CTNNA3: variants seen among roughly 807,000 people sequenced by gnomAD.
The protein encoded by CTNNA3 is catenin alpha-3.
In CTNNA3, 76 loss-of-function variants were observed where a neutral mutation model predicts 95.7. That is an observed-to-expected ratio of 0.79 (90% CI 0.66 to 0.96). The LOEUF (loss-of-function observed/expected upper bound fraction) is 0.96. CTNNA3 is among the 40% of genes least tolerant of loss of function. The probability of loss-of-function intolerance (pLI) is 0.00; values close to 1 mark genes in which losing one functional copy is unlikely to be tolerated. For synonymous variants in CTNNA3, 431 were observed against 374.4 expected, an observed-to-expected ratio of 1.15 and a Z score of -1.74; for missense variants, 1,191 against 1,089.8, an observed-to-expected ratio of 1.09 and a Z score of -1.31.
chr10:66,585,272 C>T lies in CTNNA3; in HGVS notation c.1374+36420G>A, dbSNP rs557156686. Among the ~76,000 whole-genome samples, 4 of 152,136 alleles carry T rather than the reference C, an allele frequency of 2.6e-5. No individual in the cohort carries two copies. In the East Asian group the frequency reaches 7.7e-4, roughly 29 times the overall value. ...AGTTTTCCTCCCTGGAAATTTTCCTCAAATAGACTTTTGAAATTTTTGCTA... is the reference window on the plus strand; with the variant it reads ...AGTTTTCCTCCCTGGAAATTTTCCTTAAATAGACTTTTGAAATTTTTGCTA... On this transcript the variant is annotated intron_variant, in intron 10 of 17. Transcript: ENST00000433211.
chr10:66,783,098 T>G (rs1242691435), intron 7 of CTNNA3, among the ~76,000 whole-genome samples: 1 of 152,170 alleles, frequency 6.6e-6, no homozygotes, highest in Non-Finnish European at 1.5e-5. Context: ...AAATAACTAA[T>G]TAAGTACTGA....
chr10:67,756,899 T>A (rs1841436619), intron 1 of CTNNA3, among the ~76,000 whole-genome samples: 1 of 152,124 alleles, frequency 6.6e-6, no homozygotes, highest in African/African-American at 2.4e-5. Flanking sequence ...TGTAAAAAAA[T>A]ATATATAAGT....
At chr10:65,991,152 A>G (rs930057845) in intron 15 of CTNNA3, among the ~76,000 whole-genome samples, 1 of 152,054 alleles carries the variant, frequency 6.6e-6, no homozygotes, top group Non-Finnish European at 1.5e-5. Context: ...TGGTTACTAC[A>G]GCCTTATAAT....
intron 5 of CTNNA3, among the ~76,000 whole-genome samples, chr10:67,250,137 C>T (rs2132355207): frequency 6.6e-6 from 1 of 152,192 alleles, no homozygotes; most frequent in South Asian, 2.1e-4. Flanking sequence ...TGCACAGGTC[C>T]ACTTACACAG....
chr10:67,379,107 G>A (rs1843813531), intron 5 of CTNNA3, among the ~76,000 whole-genome samples: 1 of 152,140 alleles, frequency 6.6e-6, no homozygotes, highest in Non-Finnish European at 1.5e-5. Flanking sequence ...GACCTTTTGT[G>A]GAAAATACTA....
At chr10:66,257,806 T>C (rs962317384) in intron 13 of CTNNA3, among the ~76,000 whole-genome samples, 1 of 152,222 alleles carries the variant, frequency 6.6e-6, no homozygotes, top group African/African-American at 2.4e-5. Context: ...TCCTATCAGC[T>C]AGCACAAACC....
intron 11 of CTNNA3, among the ~76,000 whole-genome samples, chr10:66,420,161 A>G (rs546624787): frequency 3.3e-5 from 5 of 152,330 alleles, no homozygotes; most frequent in Admixed American, 6.5e-5. Flanking sequence ...AGAGTATATA[A>G]GATACTCAAA....
rs543612705 is a variant in CTNNA3, at chr10:66,266,594, G to A, written c.1884+13876C>T. ...TTATACCTTGGAACAGACTCAATGA[G>A]TCCCTGAAACTGGTGAGACAGCACT... On this transcript the variant is annotated intron_variant, in intron 13 of 17. Transcript: ENST00000433211. 8.9e-4 allele frequency among the ~76,000 whole-genome samples: 135 copies of A among 151,984 alleles called. 1 individual carries two copies. Among genetic ancestry groups the A allele is most frequent in the Admixed American group, 2.0e-4 (3 of 15,242 alleles).
chr10:66,721,413 T>C (rs1429618346), intron 9 of CTNNA3, among the ~76,000 whole-genome samples: 1 of 152,196 alleles, frequency 6.6e-6, no homozygotes, highest in Admixed American at 6.5e-5. Context: ...AGTATAGTAG[T>C]GCATATGTAT....
Position 66,386,918 on chromosome 10 carries a change from T to C in CTNNA3, c.1532-7566A>G, listed in dbSNP as rs189767287. Among the ~76,000 whole-genome samples the C allele has an allele frequency of 5.3e-3, 812 of 152,300 alleles. 4 individuals are homozygous for C. The highest frequency in any genetic ancestry group is 0.019 in the African/African-American group (784 of 41,552). On this transcript the variant is annotated intron_variant, in intron 11 of 17. Transcript: ENST00000433211. ...ATGTAGAAAGCTAACACTGGATCCC[T>C]TCCTTACACCTTGTACAAAAATTAA...
intron 9 of CTNNA3, among the ~76,000 whole-genome samples, chr10:66,711,868 A>G: frequency 6.6e-6 from 1 of 151,808 alleles, no homozygotes; most frequent in East Asian, 1.9e-4. Context: ...CTATACCCAA[A>G]CCTTACTTTC....
chr10:66,756,698 T>C (rs1391029896), intron 9 of CTNNA3, among the ~76,000 whole-genome samples: 1 of 152,034 alleles, frequency 6.6e-6, no homozygotes, highest in Non-Finnish European at 1.5e-5. Context: ...TCAATTCACC[T>C]CCTAATTCAA....
chr10:66,140,446 T>C (rs2083556185), intron 13 of CTNNA3, among the ~76,000 whole-genome samples: 1 of 152,180 alleles, frequency 6.6e-6, no homozygotes, highest in Non-Finnish European at 1.5e-5. Context: ...TTTAGTCTCC[T>C]GACATTTTAT....
intron 2 of CTNNA3, among the ~76,000 whole-genome samples, chr10:67,641,732 T>C (rs1839539446): frequency 6.6e-6 from 1 of 152,086 alleles, no homozygotes; most frequent in Non-Finnish European, 1.5e-5. Flanking sequence ...CTGGAAACCA[T>C]CATTCTCAGC....
At chr10:66,050,861 T>C (rs1812097529) in intron 15 of CTNNA3, among the ~76,000 whole-genome samples, 2 of 151,266 alleles carry the variant, frequency 1.3e-5, no homozygotes. Flanking sequence ...TTTCTTACTT[T>C]TTTTTTTTAA....
chr10:66,237,496 G>GT (rs397845253), intron 13 of CTNNA3, among the ~76,000 whole-genome samples: 1 of 6,396 alleles, frequency 1.6e-4, no homozygotes, highest in East Asian at 2.7e-3. Context: ...GCAATTTGAA[G>GT]CATGATTGGC....
intron 5 of CTNNA3, among the ~76,000 whole-genome samples, chr10:67,435,577 T>A (rs1846274882): frequency 6.6e-6 from 1 of 151,942 alleles, no homozygotes; most frequent in Non-Finnish European, 1.5e-5. Context: ...TTGAAAACCC[T>A]GAAGATTCCT....
intron 12 of CTNNA3, among the ~76,000 whole-genome samples, chr10:66,293,667 CT>C (rs11374911): frequency 6.9e-4 from 96 of 138,324 alleles, no homozygotes; most frequent in Middle Eastern, 3.7e-3. Flanking sequence ...TTTTTTCTTT[CT>C]TTTTTTTTTT....
At chr10:67,555,258 A>T (rs535026968) in intron 3 of CTNNA3, among the ~76,000 whole-genome samples, 2 of 152,266 alleles carry the variant, frequency 1.3e-5, no homozygotes, top group Non-Finnish European at 1.5e-5. Context: ...GTTCCATATG[A>T]ACTTTAAGTA....
Sources: gnomAD v4.1 joint callset for allele counts (sites outside exome capture counted in the v4.1 genomes callset) on GRCh38, gnomAD v4.1.1 for gene constraint, MANE v1.5 for transcripts, NCBI Gene and HGNC (gene_info 2026-07-23, HGNC 2026-07-21) for gene names.